Variants in KCNIP4 observed in about 807,000 individuals in gnomAD.
The protein encoded by KCNIP4 is potassium voltage-gated channel interacting protein 4, also known as Kv channel-interacting protein 4.
A neutral mutation model predicts 34.0 loss-of-function variants in KCNIP4; 12 were observed. The observed-to-expected ratio is 0.35, with a 90% CI of 0.23 to 0.57. The LOEUF (loss-of-function observed/expected upper bound fraction) is 0.57, where lower values mean the gene tolerates loss of function less well. Among genes scored for constraint, KCNIP4 ranks in the 20% least tolerant of loss-of-function variants. The probability of loss-of-function intolerance (pLI) is 0.83; values close to 1 mark genes in which losing one functional copy is unlikely to be tolerated. For synonymous variants in KCNIP4, 124 were observed against 102.2 expected, an observed-to-expected ratio of 1.21 and a Z score of -1.29; for missense variants, 238 against 311.7, an observed-to-expected ratio of 0.76 and a Z score of 1.78.
chr4:21,626,391 T>C (rs2109191175), intron 1 of KCNIP4, among the ~76,000 whole-genome samples: 1 of 81,172 alleles, frequency 1.2e-5, no homozygotes, highest in Middle Eastern at 5.6e-3. Context: ...TTTTTTTTGT[T>C]TTTTTTTCAC....
intron 1 of KCNIP4, among the ~76,000 whole-genome samples, chr4:21,080,958 G>T (rs1189361723): frequency 6.6e-6 from 1 of 151,822 alleles, no homozygotes; most frequent in African/African-American, 2.4e-5. Context: ...TCCTCCACAA[G>T]TATGTAGTGG....
intron 1 of KCNIP4, among the ~76,000 whole-genome samples, chr4:20,902,957 A>G (rs554293453): frequency 6.6e-6 from 1 of 152,356 alleles, no homozygotes; most frequent in East Asian, 1.9e-4. Context: ...ATGAAAACAT[A>G]TTACATAGAG....
At chr4:21,284,134 A>G (rs918351089) in intron 1 of KCNIP4, among the ~76,000 whole-genome samples, 25 of 151,302 alleles carry the variant, frequency 1.7e-4, no homozygotes, top group Admixed American at 1.1e-3. Context: ...AATGGTGTGA[A>G]CCCAGGAGGC....
intron 1 of KCNIP4, among the ~76,000 whole-genome samples, chr4:21,326,536 T>C (rs1391322994): frequency 6.6e-6 from 1 of 151,694 alleles, no homozygotes; most frequent in Non-Finnish European, 1.5e-5. Flanking sequence ...GTGTATCTTG[T>C]AGACAACAGA....
At chr4:21,092,891 C>T (rs1395356796) in intron 1 of KCNIP4, among the ~76,000 whole-genome samples, 2 of 152,220 alleles carry the variant, frequency 1.3e-5, no homozygotes, top group Admixed American at 6.5e-5. Flanking sequence ...GGTGGACCAA[C>T]ATGATCTGAA....
At chr4:21,263,716 A>T (rs566359416) in intron 1 of KCNIP4, among the ~76,000 whole-genome samples, 1 of 152,114 alleles carries the variant, frequency 6.6e-6, no homozygotes, top group Admixed American at 6.6e-5. Flanking sequence ...CATGCAGGCT[A>T]GAGTGATCGT....
chr4:21,345,463 G>T (rs1168453516), intron 1 of KCNIP4, among the ~76,000 whole-genome samples: 1 of 152,118 alleles, frequency 6.6e-6, no homozygotes, highest in South Asian at 2.1e-4. Flanking sequence ...CATAGTAATG[G>T]ATAACTAATA....
At chr4:21,004,602 A>G (rs1738404787) in intron 1 of KCNIP4, among the ~76,000 whole-genome samples, 1 of 152,180 alleles carries the variant, frequency 6.6e-6, no homozygotes, top group Admixed American at 6.5e-5. Flanking sequence ...AGCCTACAAC[A>G]ATTACTGTGG....
At chr4:21,488,161 C>T (rs992493255) in intron 1 of KCNIP4, among the ~76,000 whole-genome samples, 7 of 152,108 alleles carry the variant, frequency 4.6e-5, no homozygotes, top group African/African-American at 9.6e-5. Context: ...TTATCTGTAC[C>T]GTTATTAAGC....
intron 1 of KCNIP4, among the ~76,000 whole-genome samples, chr4:21,866,927 A>G (rs1372343643): frequency 6.6e-6 from 1 of 151,964 alleles, no homozygotes; most frequent in Non-Finnish European, 1.5e-5. Flanking sequence ...GCCCGCCACC[A>G]TGCTCAGCTA....
chr4:21,200,707 T>C (rs1756429438), intron 1 of KCNIP4, among the ~76,000 whole-genome samples: 1 of 151,860 alleles, frequency 6.6e-6, no homozygotes, highest in African/African-American at 2.4e-5. Context: ...ACTCTGGTGA[T>C]GCGTACATTA....
At chr4:21,209,279 T>C (rs1013472494) in intron 1 of KCNIP4, among the ~76,000 whole-genome samples, 3 of 152,260 alleles carry the variant, frequency 2.0e-5, no homozygotes, top group Non-Finnish European at 4.4e-5. Context: ...TCAGTATCCT[T>C]CTAACTATTT....
At chr4:21,617,212 A>G (rs773840292) in intron 1 of KCNIP4, among the ~76,000 whole-genome samples, 2 of 152,220 alleles carry the variant, frequency 1.3e-5, no homozygotes, top group Non-Finnish European at 2.9e-5. Context: ...AAATAGAGTA[A>G]TTTCTAAAAT....
chr4:20,997,852 A>G (rs1737707428), intron 1 of KCNIP4, among the ~76,000 whole-genome samples: 1 of 152,230 alleles, frequency 6.6e-6, no homozygotes, highest in Admixed American at 6.5e-5. Context: ...AGGACAAAGA[A>G]AACTCTTGAA....
chr4:20,957,482 T>C (rs1733431772), intron 1 of KCNIP4, among the ~76,000 whole-genome samples: 1 of 152,152 alleles, frequency 6.6e-6, no homozygotes, highest in Non-Finnish European at 1.5e-5. Context: ...GATCAGGAAT[T>C]TAAGCCTAAG....
At chr4:21,606,908 C>T (rs895730727) in intron 1 of KCNIP4, among the ~76,000 whole-genome samples, 7 of 152,230 alleles carry the variant, frequency 4.6e-5, no homozygotes, top group Admixed American at 1.3e-4. Context: ...GTTCTCAAAT[C>T]GTATTACTCC....
intron 1 of KCNIP4, among the ~76,000 whole-genome samples, chr4:21,738,113 AAATAAATAAATAAATAAATAAAT>A (rs1399659787): frequency 2.9e-5 from 4 of 138,646 alleles, no homozygotes; most frequent in African/African-American, 1.2e-4. Flanking sequence ...ATAAATAAAT[AAATAAATAAATAAATAAATAAAT>A]AATAAATAAA....
chr4:21,517,037 A>G (rs929924832), intron 1 of KCNIP4, among the ~76,000 whole-genome samples: 1 of 152,156 alleles, frequency 6.6e-6, no homozygotes, highest in African/African-American at 2.4e-5. Context: ...AGCTCATCCC[A>G]AGTCCATGAA....
intron 1 of KCNIP4, among the ~76,000 whole-genome samples, chr4:21,432,614 T>C (rs1442902576): frequency 2.0e-5 from 3 of 152,150 alleles, no homozygotes; most frequent in East Asian, 3.9e-4. Flanking sequence ...AAGCAAATGA[T>C]TTTTCTGCAT....
Sources: allele counts gnomAD v4.1 joint callset (sites outside exome capture counted in the v4.1 genomes callset), GRCh38; gene constraint gnomAD v4.1.1; transcripts MANE v1.5; gene names NCBI Gene and HGNC (gene_info 2026-07-23, HGNC 2026-07-21).